SPAG16: variants seen among roughly 807,000 people sequenced by gnomAD.
SPAG16 encodes sperm associated antigen 16.
In SPAG16, 86 loss-of-function variants were observed where a neutral mutation model predicts 80.4. The observed-to-expected ratio is 1.07, with a 90% CI of 0.90 to 1.28. SPAG16 has a LOEUF of 1.28. Ranked by LOEUF, SPAG16 falls within the 50% of genes most tolerant of loss-of-function variation. The probability of loss-of-function intolerance (pLI) is 0.00; values close to 1 mark genes in which losing one functional copy is unlikely to be tolerated. For missense variants in SPAG16, 870 were observed against 765.3 expected (o/e 1.14, Z -1.61); for synonymous variants, 294 against 265.9 (o/e 1.11, Z -1.03).
At chr2:213,711,260 AT>A (rs981974054) in intron 10 of SPAG16, among the ~76,000 whole-genome samples, 6 of 151,876 alleles carry the variant, frequency 4.0e-5, no homozygotes, top group Non-Finnish European at 5.9e-5. Context: ...TATGGCAAAA[AT>A]TTTTTTTAAT....
At chr2:213,303,860 C>T (rs894878932) in intron 3 of SPAG16, among the ~76,000 whole-genome samples, 3 of 152,030 alleles carry the variant, frequency 2.0e-5, no homozygotes, top group South Asian at 4.1e-4. Flanking sequence ...GATATATTTT[C>T]GATATACTGA....
intron 10 of SPAG16, among the ~76,000 whole-genome samples, chr2:213,560,590 T>C (rs1447525581): frequency 6.6e-6 from 1 of 152,156 alleles, no homozygotes; most frequent in African/African-American, 2.4e-5. Context: ...TTCTTACATA[T>C]AGCTATTTTT....
At chr2:213,579,452 CTT>C (rs991570874) in intron 10 of SPAG16, among the ~76,000 whole-genome samples, 1 of 152,004 alleles carries the variant, frequency 6.6e-6, no homozygotes, top group Admixed American at 6.6e-5. Flanking sequence ...TATTAAAACT[CTT>C]TTAAAAAGAA....
At chr2:213,989,101 T>C (rs1361527140) in intron 12 of SPAG16, among the ~76,000 whole-genome samples, 1 of 152,110 alleles carries the variant, frequency 6.6e-6, no homozygotes, top group Non-Finnish European at 1.5e-5. Context: ...TGTTCTGCAA[T>C]AGATTTAATA....
chr2:214,281,350 G>A (rs1050180906), intron 15 of SPAG16: 9 of 204,646 alleles, frequency 4.4e-5, no homozygotes, highest in East Asian at 2.3e-4. Context: ...ATCACCAAGC[G>A]TTTCTGAGCA....
intron 9 of SPAG16, among the ~76,000 whole-genome samples, chr2:213,390,250 G>T (rs1341889559): frequency 6.6e-6 from 1 of 152,128 alleles, no homozygotes; most frequent in Non-Finnish European, 1.5e-5. Context: ...AGGAGTTACT[G>T]TTTAATGAGT....
intron 10 of SPAG16, among the ~76,000 whole-genome samples, chr2:213,674,780 A>G (rs2063976926): frequency 6.7e-6 from 1 of 150,258 alleles, no homozygotes; most frequent in Non-Finnish European, 1.5e-5. Flanking sequence ...AATCCAGTCT[A>G]TCATTGTTGG....
intron 12 of SPAG16, among the ~76,000 whole-genome samples, chr2:213,946,138 G>A (rs1186396190): frequency 6.6e-6 from 1 of 151,900 alleles, no homozygotes; most frequent in Non-Finnish European, 1.5e-5. Flanking sequence ...TGTGTGTGAT[G>A]GAGTCTTTCT....
intron 10 of SPAG16, among the ~76,000 whole-genome samples, chr2:213,659,963 T>C (rs1308633499): frequency 6.6e-6 from 1 of 152,160 alleles, no homozygotes. Flanking sequence ...TCCATTGGGA[T>C]TCTTTCTCTT....
rs113881474 is a variant in SPAG16, at chr2:213,448,708, C to G, written c.943-41255C>G. On this transcript the variant is annotated intron_variant, in intron 9 of 15. Transcript: ENST00000331683. ...ATTTCATTTTAATATGGACATTTAT[C>G]AGTTCCCAAATAATACCTTTATAAT... is the stretch of plus-strand genomic sequence containing the variant. 8.8e-3 allele frequency among the ~76,000 whole-genome samples: 1,347 copies of G among 152,316 alleles called. 22 individuals are homozygous for G. Among genetic ancestry groups the G allele is most frequent in the African/African-American group, 0.03 (1,257 of 41,562 alleles).
At chr2:213,477,175 A>G (rs2073449472) in intron 9 of SPAG16, among the ~76,000 whole-genome samples, 1 of 151,912 alleles carries the variant, frequency 6.6e-6, no homozygotes, top group African/African-American at 2.4e-5. Flanking sequence ...CTGGTCCTAG[A>G]CTCTATCTGG....
intron 15 of SPAG16, among the ~76,000 whole-genome samples, chr2:214,380,792 ACTGTTTGCATCACTGTTTC>A (rs2126107199): frequency 6.6e-6 from 1 of 152,320 alleles, no homozygotes; most frequent in East Asian, 1.9e-4. Context: ...CATGGACACC[ACTGTTTGCATCACTGTTTC>A]CAGTGGACAT....
chr2:213,932,147 C>CATATATAT (rs61264162), intron 12 of SPAG16, among the ~76,000 whole-genome samples: 17 of 30,510 alleles, frequency 5.6e-4, no homozygotes, highest in South Asian at 2.0e-3. Context: ...CTTGATACTG[C>CATATATAT]ATATATATAT....
intron 10 of SPAG16, among the ~76,000 whole-genome samples, chr2:213,855,607 A>C (rs2075118241): frequency 6.6e-6 from 1 of 152,176 alleles, no homozygotes; most frequent in Non-Finnish European, 1.5e-5. Flanking sequence ...TGAAGAAAAG[A>C]GATTTAATTG....
intron 10 of SPAG16, among the ~76,000 whole-genome samples, chr2:213,542,866 A>G (rs1209793160): frequency 1.3e-5 from 2 of 152,138 alleles, no homozygotes; most frequent in Non-Finnish European, 2.9e-5. Flanking sequence ...CAATGTAAGC[A>G]GTAGAAAGTG....
intron 14 of SPAG16, among the ~76,000 whole-genome samples, chr2:214,110,849 A>G (rs1008001441): frequency 5.4e-4 from 82 of 152,192 alleles, no homozygotes; most frequent in African/African-American, 1.9e-3. Context: ...ATGGTATCTC[A>G]TTGTGGTTTT....
intron 10 of SPAG16, among the ~76,000 whole-genome samples, chr2:213,494,872 C>G (rs981016098): frequency 6.6e-6 from 1 of 152,178 alleles, no homozygotes; most frequent in East Asian, 1.9e-4. Context: ...CACACTTATT[C>G]CTACTCCAAG....
chr2:213,290,116 C>A (rs922204436), intron 1 of SPAG16, among the ~76,000 whole-genome samples: 2 of 152,180 alleles, frequency 1.3e-5, no homozygotes, highest in Admixed American at 1.3e-4. Flanking sequence ...GTGGGTGTTA[C>A]ATTTTCCCAT....
intron 15 of SPAG16, among the ~76,000 whole-genome samples, chr2:214,197,014 ATAGT>A (rs1559122169): frequency 6.6e-6 from 1 of 152,120 alleles, no homozygotes; most frequent in South Asian, 2.1e-4. Context: ...ATAATTAATA[ATAGT>A]TAAAGGCTTA....
Sources: allele counts gnomAD v4.1 joint callset (sites outside exome capture counted in the v4.1 genomes callset), GRCh38; gene constraint gnomAD v4.1.1; transcripts MANE v1.5; gene names NCBI Gene and HGNC (gene_info 2026-07-23, HGNC 2026-07-21).